Variants in SLC34A3 observed in about 807,000 individuals in gnomAD.
SLC34A3 encodes the protein solute carrier family 34 member 3.
In SLC34A3, 60 loss-of-function variants were observed where a neutral mutation model predicts 43.9. The observed-to-expected ratio is 1.37, with a 90% CI of 1.11 to 1.70. The LOEUF (loss-of-function observed/expected upper bound fraction) is 1.70, where lower values mean the gene tolerates loss of function less well. SLC34A3 is among the 40% of genes most tolerant of loss of function. The pLI, the probability that SLC34A3 is intolerant of heterozygous loss-of-function variation, is 0.00. For missense variants in SLC34A3, 969 were observed against 823.8 expected (o/e 1.18, Z -2.16); for synonymous variants, 451 against 386.2 (o/e 1.17, Z -1.97).
Position 137,233,734 on chromosome 9 carries a change from A to G in SLC34A3, c.846+12A>G. ...CCACGGGGCAGCCGGTGAGGCACCC[A>G]ACCCTAGGCCCTCACTGACCCCCAA... On this transcript the variant is annotated intron_variant, in intron 8 of 12. Coordinates refer to ENST00000673835, the MANE Select transcript of SLC34A3 (RefSeq NM_001177316.2). 6.2e-7 allele frequency: 1 copy of G among 1,611,580 alleles called. No individual in the cohort carries two copies. Among genetic ancestry groups the G allele is most frequent in the South Asian group, 1.1e-5 (1 of 91,046 alleles).
At chr9:137,233,807 C>T (rs1836398011) in intron 8 of SLC34A3, 56 bp from the exon 9 acceptor site, 2 of 1,536,572 alleles carry the variant, frequency 1.3e-6, no homozygotes, top group Admixed American at 1.7e-5. Context: ...CACCTCGAGC[C>T]CTCTGACCTC....
chr9:137,233,779 T>TTTGGGCC, intron 8 of SLC34A3, 57 bp downstream of exon 8: 2 of 1,445,798 alleles, frequency 1.4e-6, no homozygotes, highest in South Asian at 1.2e-5. Flanking sequence ...TGCTGAGTCA[T>TTTGGGCC]CCCGCCCCAC....
At position 137,234,144 on chromosome 9, in the gene SLC34A3, C is replaced by G. The variant is rs748433621; in HGVS notation, c.961C>G (p.Leu321Val). Residue 321 changes from leucine to valine, a missense_variant, in exon 10 of 13, where the codon CTG (leucine) becomes GTG (valine). Physicochemically the swap from Leu to Val is conservative, Grantham distance 32. Coordinates refer to ENST00000673835, the MANE Select transcript of SLC34A3 (RefSeq NM_001177316.2). The surrounding 1 kb of genome is among the most constrained non-coding windows in gnomAD (Gnocchi z 6.9). ...HLFAGTELTDLAVGCILLAGS... is the reference protein window; with the variant it reads ...HLFAGTELTDVAVGCILLAGS... Reference sequence around the variant, plus strand: ...GTTTGCGGGCACGGAGCTCACGGACCTGGCCGTGGGCTGCATCCTGCTGGC... The same window carrying G: ...GTTTGCGGGCACGGAGCTCACGGACGTGGCCGTGGGCTGCATCCTGCTGGC... 3 of 1,598,204 alleles carry G rather than the reference C, an allele frequency of 1.9e-6. No homozygotes were observed. Among genetic ancestry groups the G allele is most frequent in the Non-Finnish European group, 2.5e-6 (3 of 1,177,546 alleles).
In SLC34A3 at chr9:137,233,709, C is replaced by T. The variant is rs866511716; in HGVS notation, c.833C>T (p.Thr278Ile). ...AGTCTCATTAAGCACTGGTGCGGCACCACGGGGCAGCCGGTGAGGCACCCA... is the reference window on the plus strand; with the variant it reads ...AGTCTCATTAAGCACTGGTGCGGCATCACGGGGCAGCCGGTGAGGCACCCA... The part of the protein sequence containing the change: ...NSSLIKHWCG[T>I]TGQPTQENSS... The change falls in exon 8 of 13, where the codon ACC (threonine) becomes ATC (isoleucine). Residue 278 changes from threonine (T) to isoleucine (I), a missense_variant. Physicochemically the swap from Thr to Ile is moderately conservative, Grantham distance 89. Transcript: ENST00000673835. 1 of 1,612,630 alleles carries T rather than the reference C, an allele frequency of 6.2e-7. No individual in the cohort carries two copies. The highest frequency in any genetic ancestry group is 1.3e-5 in the African/African-American group (1 of 75,006).
rs1395166968 is a variant in SLC34A3, at chr9:137,235,932, G to A, written c.1336-20G>A. 1.9e-6 allele frequency: 3 copies of A among 1,609,910 alleles called. No individual in the cohort carries two copies. Among genetic ancestry groups the A allele is most frequent in the Non-Finnish European group, 8.5e-7 (1 of 1,179,006 alleles). On this transcript the variant is annotated intron_variant, in intron 12 of 12. Coordinates refer to ENST00000673835, the MANE Select transcript of SLC34A3 (RefSeq NM_001177316.2). ...CCCACCTCGTTGGGCCCAGGCCCCT[G>A]ACAGCCCCCTCGCCCCCAGGTCGCC...
In SLC34A3 at chr9:137,233,642, G is replaced by T; in HGVS notation, c.766G>T (p.Asp256Tyr). The T allele has an allele frequency of 6.2e-7, 1 of 1,612,736 alleles. No homozygotes were observed. ...CCCCTCTGGCCCCCAGTTGGACTCCGACATGATCATGAGCAGTGCCACAGG... is the reference window on the plus strand; with the variant it reads ...CCCCTCTGGCCCCCAGTTGGACTCCTACATGATCATGAGCAGTGCCACAGG... ...LTHLIVQLDS[D>Y]MIMSSATGNA... The change falls in exon 8 of 13, where the codon GAC (aspartate) becomes TAC (tyrosine). Residue 256 changes from aspartate to tyrosine, a missense_variant. By Grantham distance (160) the Asp-to-Tyr change is radical. Coordinates refer to ENST00000673835, the MANE Select transcript of SLC34A3 (RefSeq NM_001177316.2).
At position 137,232,869 on chromosome 9, in the gene SLC34A3, C is replaced by T; in HGVS notation, c.390C>T (p.Ala130=). 1 of 1,612,184 alleles carries T rather than the reference C, an allele frequency of 6.2e-7. No individual in the cohort carries two copies. Among genetic ancestry groups the T allele is most frequent in the Admixed American group, 1.7e-5 (1 of 59,914 alleles). Residue 130 remains alanine, a synonymous_variant, in exon 5 of 13, where the codon GCC becomes GCT. Coordinates refer to ENST00000673835, the MANE Select transcript of SLC34A3 (RefSeq NM_001177316.2). ...TGGTCATTGGCGTGCTGGTCACAGC[C>T]CTGGTGCAGAGTTCCAGCACGTCCT... The part of the protein sequence containing the change: ...AGLVIGVLVT[A]LVQSSSTSSS...
Position 137,236,306 on chromosome 9 carries a change from C to G in SLC34A3, c.1690C>G (p.Arg564Gly). The G allele has an allele frequency of 6.5e-7, 1 of 1,542,866 alleles. No individual in the cohort carries two copies. Among genetic ancestry groups the G allele is most frequent in the South Asian group, 1.2e-5 (1 of 84,108 alleles). ...VWLHSLEPWD[R>G]LVTRCCPCNV... ...GCTCCATTCTCTGGAGCCCTGGGAC[C>G]GCCTGGTGACCCGCTGCTGCCCCTG... The change falls in exon 13 of 13, where the codon CGC becomes GGC. Residue 564 changes from arginine to glycine, a missense_variant. Transcript: ENST00000673835.
At position 137,234,437 on chromosome 9, in the gene SLC34A3, G is replaced by A. The variant is rs1836465725; in HGVS notation, c.1115G>A (p.Trp372Ter). Residue 372 changes from tryptophan to a stop codon, truncating the protein, a stop_gained, in exon 11 of 13, where the codon TGG becomes TAG. Coordinates refer to ENST00000673835, the MANE Select transcript of SLC34A3 (RefSeq NM_001177316.2). LOFTEE classifies it high-confidence loss of function. The surrounding 1 kb of genome is among the most constrained non-coding windows in gnomAD (Gnocchi z 6.9). ...ACAGACTTCCCCTTCCCGCTGGGCT[G>A]GCTCGGCGGCTACCTGGCCGTCCTC... Reference protein sequence around the residue: ...INADFPFPLGWLGGYLAVLAG... With the variant: ...INADFPFPLG 1 of 1,598,436 alleles carries A rather than the reference G, an allele frequency of 6.3e-7. No individual in the cohort carries two copies. Among genetic ancestry groups the A allele is most frequent in the Non-Finnish European group, 8.5e-7 (1 of 1,178,976 alleles).
At chr9:137,235,440 T>C (rs890479973) in intron 12 of SLC34A3, among the ~76,000 whole-genome samples, 4 of 152,074 alleles carry the variant, frequency 2.6e-5, no homozygotes, top group African/African-American at 9.7e-5. Flanking sequence ...TCTATCCACT[T>C]AGACCCTCCC....
At position 137,234,602 on chromosome 9, in the gene SLC34A3, C is replaced by A; in HGVS notation, c.1211-5C>A. 6.2e-7 allele frequency: 1 copy of A among 1,612,270 alleles called. No individual in the cohort carries two copies. The highest frequency in any genetic ancestry group is 8.5e-7 in the Non-Finnish European group (1 of 1,179,778). ...GGGTCCTGTGGTGACTCCCAGTTCC[C>A]CCAGGGGTCGGGGTGATCAGTCTGG... On this transcript the variant is annotated splice_polypyrimidine_tract_variant and splice_region_variant and intron_variant, in intron 11 of 12. Transcript: ENST00000673835. This position sits in a 1 kb window ranked among gnomAD's most constrained non-coding sequence, Gnocchi z 6.9.
rs776275610 is a variant in SLC34A3, at chr9:137,236,191, GCTC to G, written c.1579_1581del (p.Leu527del). The G allele has an allele frequency of 2.6e-4, 414 of 1,600,956 alleles. No individual in the cohort carries two copies. The highest frequency in any genetic ancestry group is 5.9e-4 in the South Asian group (53 of 90,152). ...TCGGGGGTCCCCTGGTGGGGCTGGTGCTCCTCGTCATCCTGGTTACTGTCCTGC... is the reference window on the plus strand; with the variant it reads ...TCGGGGGTCCCCTGGTGGGGCTGGTGCTCGTCATCCTGGTTACTGTCCTGC... On this transcript the variant is annotated inframe_deletion, in exon 13 of 13. Transcript: ENST00000673835.
rs1248828799 is a variant in SLC34A3 at position 137,233,408 on chromosome 9, A to G, written c.756+4A>G. ...GCTCACACACCTCATCGTGCAGGTG[A>G]GGACGGCCACCGCCCCCGCCCAGAG... is the stretch of plus-strand genomic sequence containing the variant. On this transcript the variant is annotated splice_donor_region_variant and intron_variant, in intron 7 of 12. Coordinates refer to ENST00000673835, the MANE Select transcript of SLC34A3 (RefSeq NM_001177316.2). 3 of 1,599,738 alleles carry G rather than the reference A, an allele frequency of 1.9e-6. No homozygotes were observed. Among genetic ancestry groups the G allele is most frequent in the South Asian group, 2.2e-5 (2 of 89,902 alleles).
At chr9:137,235,819 C>G (rs938422498) in intron 12 of SLC34A3, 133 bp from the exon 13 acceptor site, 1 of 808,578 alleles carries the variant, frequency 1.2e-6, no homozygotes, top group Non-Finnish European at 2.0e-6. Flanking sequence ...TCCCAGACGG[C>G]CATCTCATCC....
At position 137,231,894 on chromosome 9, in the gene SLC34A3, A is replaced by G. The variant is rs574500897; in HGVS notation, c.85+107A>G. 8 of 1,180,618 alleles carry G rather than the reference A, an allele frequency of 6.8e-6. No individual in the cohort carries two copies. In the African/African-American group the frequency reaches 9.0e-5, roughly 13 times the overall value. 73.1% of individuals were successfully genotyped at this position (1,180,618 alleles called of 1,614,324 possible). On this transcript the variant is annotated intron_variant, in intron 2 of 12. Coordinates refer to ENST00000673835, the MANE Select transcript of SLC34A3 (RefSeq NM_001177316.2). ...CCTGCGGGCCTCCCGGGGAACCCAC[A>G]GGGCTCATGACGCCTCCACTCAGGT...
upstream of SLC34A3, among the ~76,000 whole-genome samples, chr9:137,229,900 C>A (rs1011632444): frequency 6.6e-6 from 1 of 152,136 alleles, no homozygotes; most frequent in Admixed American, 6.5e-5. Flanking sequence ...TGCTGCAACA[C>A]CCCCACCCCC....
Position 137,236,156 on chromosome 9 carries a change from C to T in SLC34A3, c.1540C>T (p.Leu514=), listed in dbSNP as rs779264238. 2.5e-6 allele frequency: 4 copies of T among 1,608,882 alleles called. No individual in the cohort carries two copies. The highest frequency in any genetic ancestry group is 2.5e-6 in the Non-Finnish European group (3 of 1,178,778). Residue 514 remains leucine, a synonymous_variant, in exon 13 of 13, where the codon CTG becomes TTG. Transcript: ENST00000673835. The part of the protein sequence containing the change: ...FGLSLAGGME[L]AAVGGPLVGL... ...GCTCTCCCTGGCAGGGGGCATGGAGCTGGCCGCTGTCGGGGGTCCCCTGGT... is the reference window on the plus strand; with the variant it reads ...GCTCTCCCTGGCAGGGGGCATGGAGTTGGCCGCTGTCGGGGGTCCCCTGGT...
rs1384008333 is a variant in SLC34A3, at chr9:137,232,803, C to A, written c.324C>A (p.Ile108=). 1 of 1,613,038 alleles carries A rather than the reference C, an allele frequency of 6.2e-7. No individual in the cohort carries two copies. The highest frequency in any genetic ancestry group is 1.3e-5 in the African/African-American group (1 of 74,938). ...QLLGSKVAGD[I]FKDNVVLSNP... ...GTGTAGGCAAAGTGGCCGGAGACAT[C>A]TTCAAGGACAACGTGGTGCTGTCCA... Residue 108 remains isoleucine, a synonymous_variant, in exon 5 of 13, where the codon ATC becomes ATA. Transcript: ENST00000673835.
chr9:137,233,015 CG>C lies in SLC34A3; in HGVS notation c.463del (p.Val155CysfsTer11). On this transcript the variant is annotated frameshift_variant, in exon 6 of 13. Transcript: ENST00000673835. LOFTEE classifies it high-confidence loss of function. ...SMVAAKLLTV[R>X]VSVPIIMGVN... ...CCCCCCACCAGCAGTGCTGACTGTC[CG>C]GGTGTCTGTGCCCATCATCATGGGT... The C allele has an allele frequency of 6.2e-7, 1 of 1,611,770 alleles. No homozygotes were observed. The highest frequency in any genetic ancestry group is 8.5e-7 in the Non-Finnish European group (1 of 1,179,750).
Sources: gnomAD v4.1 joint callset for allele counts (sites outside exome capture counted in the v4.1 genomes callset) on GRCh38, gnomAD v4.1.1 for gene constraint, Gnocchi (gnomAD v3.1) non-coding constraint, MANE v1.5 for transcripts, NCBI Gene and HGNC (gene_info 2026-07-23, HGNC 2026-07-21) for gene names.